The following ENPEP variants were observed in gnomAD, a reference collection of about 807,000 sequenced individuals.
ENPEP encodes the protein AP-A.
Under a neutral mutation model 114.5 loss-of-function variants are expected in ENPEP, and 103 were observed. That is an observed-to-expected ratio of 0.90 (90% CI 0.77 to 1.06). The LOEUF is 1.06. Among genes scored for constraint, ENPEP ranks in the 50% least tolerant of loss-of-function variants. ENPEP has a pLI of 0.00. For synonymous variants in ENPEP, 420 were observed against 422.0 expected, an observed-to-expected ratio of 1.00 and a Z score of 0.06; for missense variants, 1,196 against 1,161.3, an observed-to-expected ratio of 1.03 and a Z score of -0.43.
chr4:110,538,743 T>C (rs1726738516), intron 11 of ENPEP, among the ~76,000 whole-genome samples: 1 of 152,214 alleles, frequency 6.6e-6, no homozygotes, highest in Non-Finnish European at 1.5e-5. Context: ...TATTTTAATT[T>C]AAAGTGAGAG....
intron 14 of ENPEP, 120 bp downstream of exon 14, chr4:110,548,446 A>C (rs2110393363): frequency 1.3e-6 from 1 of 769,680 alleles, no homozygotes; most frequent in Non-Finnish European, 1.9e-6. Flanking sequence ...AGGTGGAATC[A>C]AAAGAAAGTG....
chr4:110,560,115 A>T (rs756004087), intron 19 of ENPEP, among the ~76,000 whole-genome samples: 1 of 152,190 alleles, frequency 6.6e-6, no homozygotes, highest in Non-Finnish European at 1.5e-5. Flanking sequence ...CCTGCAAAGG[A>T]CATGAACTTA....
intron 1 of ENPEP, among the ~76,000 whole-genome samples, chr4:110,484,032 A>T (rs1724409626): frequency 6.6e-6 from 1 of 152,214 alleles, no homozygotes; most frequent in Non-Finnish European, 1.5e-5. Context: ...CCTATAGTGT[A>T]TATACACCAA....
chr4:110,548,135 GTGAGTTTTTTTTT>G, intron 13 of ENPEP, 28 bp from the exon 14 acceptor site: 1 of 1,304,314 alleles, frequency 7.7e-7, no homozygotes, highest in Non-Finnish European at 9.7e-7. Flanking sequence ...TTAATTAACT[GTGAGTTTTTTTTT>G]TTTTTTTTTT....
intron 3 of ENPEP, among the ~76,000 whole-genome samples, chr4:110,505,390 T>C (rs1725336076): frequency 6.6e-6 from 1 of 152,132 alleles, no homozygotes; most frequent in South Asian, 2.1e-4. Flanking sequence ...GAACACATCT[T>C]TATTTATGCA....
intron 1 of ENPEP, among the ~76,000 whole-genome samples, chr4:110,478,573 G>A (rs986650957): frequency 4.6e-5 from 7 of 152,100 alleles, no homozygotes; most frequent in African/African-American, 1.7e-4. Flanking sequence ...GTCTTGAGAA[G>A]TTCCCCTTAT....
intron 1 of ENPEP, among the ~76,000 whole-genome samples, chr4:110,485,397 C>A (rs1279198560): frequency 6.6e-6 from 1 of 152,128 alleles, no homozygotes; most frequent in Non-Finnish European, 1.5e-5. Flanking sequence ...TACGTTTTAG[C>A]CTGTACCCCT....
At chr4:110,537,119 T>C (rs1236528479) in intron 11 of ENPEP, among the ~76,000 whole-genome samples, 3 of 152,222 alleles carry the variant, frequency 2.0e-5, no homozygotes, top group Non-Finnish European at 2.9e-5. Context: ...TCAGTGTTGA[T>C]GGCTGCTAGC....
chr4:110,539,162 G>A (rs1349568307), intron 11 of ENPEP, among the ~76,000 whole-genome samples: 1 of 152,148 alleles, frequency 6.6e-6, no homozygotes, highest in African/African-American at 2.4e-5. Flanking sequence ...TGATAGACTG[G>A]CTTTGCTACA....
At position 110,561,737 on chromosome 4, in the gene ENPEP, A is replaced by T; in HGVS notation, c.*179A>T. ...TGTTCCTCTTTGTTTATGAAGAAAG[A>T]TACTAATAGAGTACTTAATATACTC... On this transcript the variant is annotated 3_prime_UTR_variant, in exon 20 of 20. Coordinates refer to ENST00000265162, the MANE Select transcript of ENPEP (RefSeq NM_001977.4). 2 of 579,434 alleles carry T rather than the reference A, an allele frequency of 3.5e-6. No homozygotes were observed. The highest frequency in any genetic ancestry group is 4.7e-4 in the Middle Eastern group (1 of 2,140). The allele number at this position is 579,434 out of a possible 1,614,324, so 35.9% of individuals were successfully genotyped here.
At chr4:110,480,082 C>G (rs573543058) in intron 1 of ENPEP, among the ~76,000 whole-genome samples, 1 of 152,184 alleles carries the variant, frequency 6.6e-6, no homozygotes, top group African/African-American at 2.4e-5. Flanking sequence ...ATGGCAACAT[C>G]GGTGAGGAAG....
intron 1 of ENPEP, among the ~76,000 whole-genome samples, chr4:110,487,597 C>G (rs920235125): frequency 6.6e-6 from 1 of 152,144 alleles, no homozygotes; most frequent in Non-Finnish European, 1.5e-5. Flanking sequence ...ATAATTTAGC[C>G]TGATATTCTT....
intron 18 of ENPEP, among the ~76,000 whole-genome samples, chr4:110,558,724 A>G (rs1279713903): frequency 1.3e-5 from 2 of 152,076 alleles, no homozygotes; most frequent in African/African-American, 4.8e-5. Flanking sequence ...ATTAGTTGTG[A>G]TGAGATTTTT....
At chr4:110,516,955 TG>T (rs1203713335) in intron 8 of ENPEP, among the ~76,000 whole-genome samples, 1 of 152,062 alleles carries the variant, frequency 6.6e-6, no homozygotes. Context: ...TTATTATTAT[TG>T]TTATTGAGAC....
intron 11 of ENPEP, among the ~76,000 whole-genome samples, 161 bp from the exon 12 acceptor site, chr4:110,542,590 C>T (rs564010798): frequency 3.3e-5 from 5 of 152,200 alleles, no homozygotes; most frequent in African/African-American, 1.2e-4. Context: ...AGTTAGACAA[C>T]TAAGTAAAAA....
At position 110,520,258 on chromosome 4, in the gene ENPEP, G is replaced by C. The variant is rs772895126; in HGVS notation, c.1619G>C (p.Arg540Thr). 3 of 1,614,104 alleles carry C rather than the reference G, an allele frequency of 1.9e-6. No individual in the cohort carries two copies. The Admixed American group carries it at 5.0e-5, about 27-fold the overall frequency. Reference protein sequence around the residue: ...PVKEVMDTWTRQMGYPVLNVN... With the variant: ...PVKEVMDTWTTQMGYPVLNVN... ...AAAGAAGTAATGGACACCTGGACCAGACAGATGGGTTATCCTGTGCTTAAC... is the reference window on the plus strand; with the variant it reads ...AAAGAAGTAATGGACACCTGGACCACACAGATGGGTTATCCTGTGCTTAAC... The change falls in exon 10 of 20, where the codon AGA (arginine) becomes ACA (threonine). Residue 540 changes from arginine to threonine, a missense_variant. Coordinates refer to ENST00000265162, the MANE Select transcript of ENPEP (RefSeq NM_001977.4).
chr4:110,508,484 C>T (rs1453916751), intron 4 of ENPEP, among the ~76,000 whole-genome samples: 1 of 152,162 alleles, frequency 6.6e-6, no homozygotes, highest in Admixed American at 6.5e-5. Context: ...ACTTAAGATA[C>T]ATCCCTCTTC....
At chr4:110,519,701 G>A (rs1725909514) in intron 8 of ENPEP, among the ~76,000 whole-genome samples, 1 of 151,732 alleles carries the variant, frequency 6.6e-6, no homozygotes, top group Non-Finnish European at 1.5e-5. Context: ...AGATCAGCAA[G>A]CTACTGTCTG....
intron 10 of ENPEP, among the ~76,000 whole-genome samples, chr4:110,525,521 T>C (rs1309232552): frequency 6.6e-6 from 1 of 152,260 alleles, no homozygotes; most frequent in Non-Finnish European, 1.5e-5. Flanking sequence ...CACTGCCTGA[T>C]TGTCACTGAA....
Sources: gnomAD v4.1 joint callset for allele counts (sites outside exome capture counted in the v4.1 genomes callset) on GRCh38, gnomAD v4.1.1 for gene constraint, MANE v1.5 for transcripts, NCBI Gene and HGNC (gene_info 2026-07-23, HGNC 2026-07-21) for gene names.